CTNNA2: variants seen among roughly 807,000 people sequenced by gnomAD.
CTNNA2 encodes catenin alpha-2.
Under a neutral mutation model 101.0 loss-of-function variants are expected in CTNNA2, and 42 were observed. The observed-to-expected ratio is 0.42, with a 90% CI of 0.32 to 0.54. CTNNA2 has a LOEUF of 0.54. CTNNA2 is among the 20% of genes least tolerant of loss of function. CTNNA2 has a pLI of 0.14. For missense variants in CTNNA2, 871 were observed against 1,223.1 expected, an observed-to-expected ratio of 0.71 and a Z score of 4.29; for synonymous variants, 450 against 456.4, an observed-to-expected ratio of 0.99 and a Z score of 0.18.
rs191655746 is a variant in CTNNA2 at position 80,567,790 on chromosome 2, G to A, written c.1742-6373G>A. On this transcript the variant is annotated intron_variant, in intron 12 of 18. Transcript: ENST00000402739. ...TCAGTGACTGTCTGTGATGGGGGGA[G>A]GATATTGTACTAATTCCTGCACAGG... is the stretch of plus-strand genomic sequence containing the variant. Among the ~76,000 whole-genome samples, 1,350 of 152,108 alleles carry A rather than the reference G, an allele frequency of 8.9e-3. 11 individuals carry two copies. Among genetic ancestry groups the A allele is most frequent in the Non-Finnish European group, 0.015 (1,025 of 67,988 alleles).
At chr2:80,355,141 A>T (rs961661256) in intron 7 of CTNNA2, among the ~76,000 whole-genome samples, 3 of 152,176 alleles carry the variant, frequency 2.0e-5, no homozygotes, top group African/African-American at 7.2e-5. Flanking sequence ...TGTAGCAGAC[A>T]TCGCTATATG....
At chr2:79,333,360 C>G (rs6707138) in intron 3 of CTNNA2, among the ~76,000 whole-genome samples, 1 of 151,822 alleles carries the variant, frequency 6.6e-6, no homozygotes. Flanking sequence ...GGTCCCAGTA[C>G]AGTTTTAAAA....
At chr2:79,709,543 C>T (rs993328991) in intron 2 of CTNNA2, among the ~76,000 whole-genome samples, 1 of 152,046 alleles carries the variant, frequency 6.6e-6, no homozygotes, top group East Asian at 1.9e-4. Context: ...CAAAACAAAG[C>T]CAATTTTGGC....
chr2:79,458,294 A>T (rs1009705739), intron 4 of CTNNA2, among the ~76,000 whole-genome samples: 1 of 152,206 alleles, frequency 6.6e-6, no homozygotes, highest in Admixed American at 6.5e-5. Flanking sequence ...TATTTCTTAT[A>T]AGAGTCATGA....
At chr2:80,325,436 G>A (rs1276907381) in intron 7 of CTNNA2, among the ~76,000 whole-genome samples, 1 of 152,152 alleles carries the variant, frequency 6.6e-6, no homozygotes, top group African/African-American at 2.4e-5. Flanking sequence ...GGTCTTGGAG[G>A]CAAAACTACT....
chr2:80,278,156 G>A (rs1381332969), intron 7 of CTNNA2, among the ~76,000 whole-genome samples: 1 of 151,998 alleles, frequency 6.6e-6, no homozygotes, highest in Non-Finnish European at 1.5e-5. Flanking sequence ...CATAGAGTAT[G>A]GTAAAAATTC....
At chr2:79,680,214 G>A (rs1041872861) in intron 2 of CTNNA2, among the ~76,000 whole-genome samples, 4 of 151,892 alleles carry the variant, frequency 2.6e-5, no homozygotes, top group Non-Finnish European at 5.9e-5. Flanking sequence ...GGGATTTAGA[G>A]ATTTATCTTC....
intron 9 of CTNNA2, among the ~76,000 whole-genome samples, chr2:80,544,002 G>A (rs1202776530): frequency 6.6e-6 from 1 of 152,076 alleles, no homozygotes; most frequent in Non-Finnish European, 1.5e-5. Flanking sequence ...TTGGTCTTTT[G>A]ATGGTGGCTT....
At chr2:80,055,142 C>T (rs1697135917) in intron 7 of CTNNA2, among the ~76,000 whole-genome samples, 1 of 151,966 alleles carries the variant, frequency 6.6e-6, no homozygotes, top group South Asian at 2.1e-4. Context: ...ATCCTTCTGC[C>T]CCACCTCTCA....
At chr2:79,543,145 C>T (rs572741279) in intron 1 of CTNNA2, among the ~76,000 whole-genome samples, 3 of 151,988 alleles carry the variant, frequency 2.0e-5, no homozygotes, top group Non-Finnish European at 2.9e-5. Flanking sequence ...CTTTCAAGTA[C>T]GACATTAGAT....
At chr2:80,320,669 C>T (rs1216311862) in intron 7 of CTNNA2, among the ~76,000 whole-genome samples, 1 of 152,146 alleles carries the variant, frequency 6.6e-6, no homozygotes. Flanking sequence ...TGATTAATAT[C>T]TTGCCACTTT....
intron 4 of CTNNA2, among the ~76,000 whole-genome samples, chr2:79,471,635 G>A (rs972614908): frequency 3.3e-5 from 5 of 151,996 alleles, no homozygotes; most frequent in African/African-American, 7.2e-5. Context: ...TCAGGAGATC[G>A]AGACCATCCT....
At chr2:79,774,208 CATGAAGACCCCAG>C (rs975868316) in intron 3 of CTNNA2, among the ~76,000 whole-genome samples, 10 of 152,280 alleles carry the variant, frequency 6.6e-5, no homozygotes, top group African/African-American at 1.9e-4. Flanking sequence ...GAGAAGAAGG[CATGAAGACCCCAG>C]ATGAAATACT....
intron 7 of CTNNA2, among the ~76,000 whole-genome samples, chr2:80,143,303 G>A (rs1214414799): frequency 6.6e-6 from 1 of 152,070 alleles, no homozygotes; most frequent in Non-Finnish European, 1.5e-5. Flanking sequence ...TATATTATTT[G>A]GGACTGTCAA....
intron 7 of CTNNA2, among the ~76,000 whole-genome samples, chr2:80,312,269 C>A (rs1677660869): frequency 6.6e-6 from 1 of 152,170 alleles, no homozygotes; most frequent in Admixed American, 6.5e-5. Context: ...TGTGTGGTTC[C>A]CCTATTGGCT....
chr2:80,146,978 TA>T (rs1703390227), intron 7 of CTNNA2, among the ~76,000 whole-genome samples: 1 of 147,756 alleles, frequency 6.8e-6, no homozygotes. Flanking sequence ...TTTATTTATT[TA>T]TTTTGAGATA....
chr2:79,908,537 A>G (rs1158797513), intron 6 of CTNNA2, among the ~76,000 whole-genome samples: 2 of 152,162 alleles, frequency 1.3e-5, no homozygotes, highest in African/African-American at 4.8e-5. Flanking sequence ...AGGCTCCCCA[A>G]AGGAAACCAG....
At chr2:79,735,498 G>T (rs1443329649) in intron 2 of CTNNA2, among the ~76,000 whole-genome samples, 2 of 152,010 alleles carry the variant, frequency 1.3e-5, no homozygotes, top group Non-Finnish European at 2.9e-5. Context: ...CATTCATATT[G>T]GCCATAAAAA....
At chr2:80,588,479 C>T (rs1696163300) in intron 14 of CTNNA2, among the ~76,000 whole-genome samples, 1 of 152,072 alleles carries the variant, frequency 6.6e-6, no homozygotes. Context: ...CAAATGACCA[C>T]GAAAATGCTA....
Sources: gnomAD v4.1 joint callset for allele counts (sites outside exome capture counted in the v4.1 genomes callset) on GRCh38, gnomAD v4.1.1 for gene constraint, MANE v1.5 for transcripts, NCBI Gene and HGNC (gene_info 2026-07-23, HGNC 2026-07-21) for gene names.